The following VPS13C variants were observed in gnomAD, a reference collection of about 807,000 sequenced individuals.
The protein encoded by VPS13C is vacuolar protein sorting 13 homolog C, also known as intermembrane lipid transfer protein VPS13C.
A neutral mutation model predicts 456.8 loss-of-function variants in VPS13C; 358 were observed. The ratio of observed to expected loss-of-function variants is 0.78; its 90% CI spans 0.72 to 0.86. The LOEUF is 0.86. Ranked by LOEUF, VPS13C falls within the 40% of genes least tolerant of loss-of-function variation. The pLI is 0.00. For synonymous variants in VPS13C, 1,578 were observed against 1,486.7 expected, an observed-to-expected ratio of 1.06 and a Z score of -1.41; for missense variants, 4,818 against 4,385.4, an observed-to-expected ratio of 1.10 and a Z score of -2.79.
chr15:61,949,415 T>C, intron 42 of VPS13C, 28 bp downstream of exon 42: 1 of 1,597,758 alleles, frequency 6.3e-7, no homozygotes, highest in Non-Finnish European at 8.5e-7. Flanking sequence ...TTCAAAGTAT[T>C]ATTAGATCAT....
At chr15:61,865,115 A>G in intron 81 of VPS13C, 1 of 985,034 alleles carries the variant, frequency 1.0e-6, no homozygotes, top group Non-Finnish European at 1.2e-6. Flanking sequence ...GGCAGCAGGG[A>G]GACCAAATTA....
chr15:62,006,068 TTTTG>T (rs1567099737), intron 15 of VPS13C, among the ~76,000 whole-genome samples: 3 of 148,506 alleles, frequency 2.0e-5, no homozygotes, highest in Admixed American at 7.0e-5. Context: ...AAAGCTGTTT[TTTTG>T]TTTTTGTTTT....
At position 61,929,532 on chromosome 15, in the gene VPS13C, C is replaced by G; in HGVS notation, c.6255G>C (p.Gln2085His). ...VAKETQILPR[Q>H]TATGKVKIEK... The stretch of plus-strand genomic sequence containing the variant: ...CTATCTTGACCTTCCCTGTGGCAGT[C>G]TGTCTTGGTAAAATCTGTGTTTCTT... Residue 2085 changes from glutamine to histidine, a missense_variant, in exon 51 of 85, where the codon CAG becomes CAC. By Grantham distance (24) the Gln-to-His change is conservative. Transcript: ENST00000644861. The G allele has an allele frequency of 1.2e-6, 2 of 1,614,044 alleles. No individual in the cohort carries two copies. The highest frequency in any genetic ancestry group is 2.2e-5 in the East Asian group (1 of 44,854).
chr15:62,044,849 AAT>A (rs1311634202), intron 1 of VPS13C, among the ~76,000 whole-genome samples: 1 of 152,168 alleles, frequency 6.6e-6, no homozygotes, highest in Non-Finnish European at 1.5e-5. Context: ...GTTGATACAC[AAT>A]AGTCAAATAT....
intron 37 of VPS13C, among the ~76,000 whole-genome samples, chr15:61,955,698 T>C (rs987305686): frequency 6.6e-6 from 1 of 152,086 alleles, no homozygotes; most frequent in African/African-American, 2.4e-5. Flanking sequence ...AAACAAAAAA[T>C]ACTGATCATT....
chr15:61,939,253 T>C lies in VPS13C; in HGVS notation c.5601+1394A>G, dbSNP rs575924832. 9.5e-4 allele frequency among the ~76,000 whole-genome samples: 145 copies of C among 152,252 alleles called. 1 individual carries two copies. Among genetic ancestry groups the C allele is most frequent in the African/African-American group, 3.4e-3 (142 of 41,536 alleles). ...GGAGAGCCAAATATTAGTCCTGGGA[T>C]CTAACCTCTTGGCAGAAAGACAGAA... On this transcript the variant is annotated intron_variant, in intron 47 of 84. Transcript: ENST00000644861.
chr15:61,984,805 G>A, intron 19 of VPS13C, 52 bp downstream of exon 19: 2 of 1,550,304 alleles, frequency 1.3e-6, no homozygotes, highest in East Asian at 2.3e-5. Context: ...CACATTTTTT[G>A]CCTAAAACTA....
At chr15:62,015,726 T>C (rs2047214237) in intron 9 of VPS13C, among the ~76,000 whole-genome samples, 1 of 120,596 alleles carries the variant, frequency 8.3e-6, no homozygotes, top group East Asian at 2.5e-4. Context: ...AATTGAACAA[T>C]GAGATCACAT....
At position 62,013,953 on chromosome 15, in the gene VPS13C, C is replaced by T. The variant is rs573076695; in HGVS notation, c.724G>A (p.Ala242Thr). 2.5e-6 allele frequency: 4 copies of T among 1,609,286 alleles called. No individual in the cohort carries two copies. Among genetic ancestry groups the T allele is most frequent in the African/African-American group, 1.3e-5 (1 of 74,812 alleles). ...AATACCTTGTATATAATTTTGTCTG[C>T]TTCATTTAATATGCATGGAGTCCAG... The part of the protein sequence containing the change: ...EHWTPCILNE[A>T]DKIIYKLIRL... Residue 242 changes from alanine (A) to threonine (T), a missense_variant, in exon 10 of 85, where the codon GCA becomes ACA. Around this residue, in one of 3 missense-constraint regions of VPS13C, gnomAD observed 4,552 missense variants for 4,130.6 expected, o/e 1.10. Transcript: ENST00000644861.
intron 66 of VPS13C, among the ~76,000 whole-genome samples, chr15:61,894,238 G>T (rs1389201744): frequency 2.0e-5 from 3 of 151,952 alleles, no homozygotes; most frequent in East Asian, 3.9e-4. Flanking sequence ...AACCAAGGAG[G>T]TGGAGGTTGC....
At chr15:62,035,302 T>A (rs1356338798) in intron 3 of VPS13C, among the ~76,000 whole-genome samples, 1 of 152,028 alleles carries the variant, frequency 6.6e-6, no homozygotes, top group African/African-American at 2.4e-5. Context: ...ATCCATTTAA[T>A]ATTCAAAAAC....
At chr15:62,024,480 A>G (rs895129021) in intron 6 of VPS13C, among the ~76,000 whole-genome samples, 3 of 152,032 alleles carry the variant, frequency 2.0e-5, no homozygotes, top group African/African-American at 7.2e-5. Flanking sequence ...GTCTTACTCA[A>G]CTTACAAATC....
intron 6 of VPS13C, among the ~76,000 whole-genome samples, chr15:62,024,485 C>T (rs1014116284): frequency 4.6e-5 from 7 of 152,164 alleles, no homozygotes; most frequent in African/African-American, 1.7e-4. Flanking sequence ...ACTCAACTTA[C>T]AAATCTTCAT....
intron 81 of VPS13C, chr15:61,864,625 T>C (rs905674192): frequency 4.1e-6 from 4 of 985,236 alleles, no homozygotes; most frequent in African/African-American, 3.5e-5. Flanking sequence ...ATACATTTTT[T>C]AAAGTTGCTT....
rs1596281059 is a variant in VPS13C at position 61,876,894 on chromosome 15, G to A, written c.10224+79C>T. 4.9e-6 allele frequency: 5 copies of A among 1,025,942 alleles called. No individual in the cohort carries two copies. The East Asian group carries it at 1.1e-4, about 22-fold the overall frequency. 63.6% of individuals were successfully genotyped at this position (1,025,942 alleles called of 1,614,324 possible). On this transcript the variant is annotated intron_variant, in intron 75 of 84. Transcript: ENST00000644861. ...TGAGATAAATTAGATAAACATTACTGCACACTATACAGTCACATGCAAATG... is the reference window on the plus strand; with the variant it reads ...TGAGATAAATTAGATAAACATTACTACACACTATACAGTCACATGCAAATG...
At chr15:62,050,401 A>C (rs1200771271) in intron 1 of VPS13C, among the ~76,000 whole-genome samples, 1 of 152,242 alleles carries the variant, frequency 6.6e-6, no homozygotes. Context: ...AAGAGACCCC[A>C]TATGATTCTC....
At chr15:61,887,738 AC>A (rs1896372959) in intron 67 of VPS13C, among the ~76,000 whole-genome samples, 1 of 152,072 alleles carries the variant, frequency 6.6e-6, no homozygotes, top group Non-Finnish European at 1.5e-5. Flanking sequence ...AATATAAAAC[AC>A]AAAATTACAA....
At chr15:61,938,961 T>C (rs2140249530) in intron 47 of VPS13C, among the ~76,000 whole-genome samples, 1 of 152,314 alleles carries the variant, frequency 6.6e-6, no homozygotes, top group East Asian at 1.9e-4. Context: ...AAATCTGAAA[T>C]AATATAAAAC....
chr15:62,054,513 T>C (rs547599325), intron 1 of VPS13C, among the ~76,000 whole-genome samples: 1 of 152,222 alleles, frequency 6.6e-6, no homozygotes, highest in African/African-American at 2.4e-5. Context: ...TAAGTGGGAT[T>C]TGAACAATGA....
Sources: allele counts gnomAD v4.1 joint callset (sites outside exome capture counted in the v4.1 genomes callset), GRCh38; gene constraint gnomAD v4.1.1; regional missense constraint gnomAD v4.1.1; transcripts MANE v1.5; gene names NCBI Gene and HGNC (gene_info 2026-07-23, HGNC 2026-07-21).